PPP3CA: variants seen among roughly 807,000 people sequenced by gnomAD.
PPP3CA encodes CAM-PRP catalytic subunit.
PPP3CA carries 14 observed loss-of-function variants against 66.5 expected under a neutral mutation model. The ratio of observed to expected loss-of-function variants is 0.21; its 90% CI spans 0.14 to 0.33. The LOEUF (loss-of-function observed/expected upper bound fraction) is 0.33, where lower values mean the gene tolerates loss of function less well. Among genes scored for constraint, PPP3CA ranks in the 10% least tolerant of loss-of-function variants. PPP3CA has a pLI of 1.00. For missense variants in PPP3CA, 317 were observed against 639.5 expected (o/e 0.50, Z 5.44); for synonymous variants, 232 against 226.2 (o/e 1.03, Z -0.23).
At chr4:101,135,869 T>G (rs1268414296) in intron 2 of PPP3CA, among the ~76,000 whole-genome samples, 1 of 151,802 alleles carries the variant, frequency 6.6e-6, no homozygotes, top group Non-Finnish European at 1.5e-5. Flanking sequence ...TCATGGCAAC[T>G]TACTTTGGGT....
At chr4:101,121,320 T>C (rs947867745) in intron 2 of PPP3CA, among the ~76,000 whole-genome samples, 1 of 152,122 alleles carries the variant, frequency 6.6e-6, no homozygotes, top group African/African-American at 2.4e-5. Flanking sequence ...AATTTCTAGC[T>C]GCATTACCTT....
At chr4:101,129,395 G>A (rs1722355332) in intron 2 of PPP3CA, among the ~76,000 whole-genome samples, 1 of 152,194 alleles carries the variant, frequency 6.6e-6, no homozygotes, top group Admixed American at 6.5e-5. Context: ...CTTGAGTTCT[G>A]CTAAGGGACA....
intron 2 of PPP3CA, among the ~76,000 whole-genome samples, chr4:101,150,212 C>T (rs1299009617): frequency 6.6e-6 from 1 of 152,024 alleles, no homozygotes. Context: ...ATTAAAAATC[C>T]AAATGTCAAA....
intron 12 of PPP3CA, among the ~76,000 whole-genome samples, chr4:101,031,883 T>TATC (rs1726981218): frequency 6.6e-6 from 1 of 152,224 alleles, no homozygotes; most frequent in South Asian, 2.1e-4. Flanking sequence ...GTGTATGTGT[T>TATC]ATCTCATAAA....
At chr4:101,336,272 TTAAGAAC>T (rs1162605519) in intron 1 of PPP3CA, among the ~76,000 whole-genome samples, 1 of 146,304 alleles carries the variant, frequency 6.8e-6, no homozygotes, top group Non-Finnish European at 1.5e-5. Context: ...GCTAGAAGAC[TTAAGAAC>T]AAGAAAGCTG....
At chr4:101,047,725 T>C (rs1449393671) in intron 10 of PPP3CA, among the ~76,000 whole-genome samples, 2 of 152,052 alleles carry the variant, frequency 1.3e-5, no homozygotes, top group Non-Finnish European at 2.9e-5. Context: ...CCAGTGAGGT[T>C]ACAGGTATGC....
chr4:101,329,719 C>G (rs1049462533), intron 1 of PPP3CA, among the ~76,000 whole-genome samples: 3 of 152,068 alleles, frequency 2.0e-5, no homozygotes, highest in African/African-American at 4.8e-5. Flanking sequence ...TCCTAAAGCC[C>G]TTAAGAATTA....
chr4:101,231,152 C>G (rs559020931), intron 1 of PPP3CA, among the ~76,000 whole-genome samples: 1 of 151,794 alleles, frequency 6.6e-6, no homozygotes, highest in African/African-American at 2.4e-5. Flanking sequence ...CACAAATGAT[C>G]TTCTCCAGGT....
intron 13 of PPP3CA, among the ~76,000 whole-genome samples, chr4:101,028,807 A>C (rs1443576055): frequency 1.3e-5 from 2 of 152,170 alleles, no homozygotes; most frequent in East Asian, 3.8e-4. Flanking sequence ...GTGCTGCCTG[A>C]AAGTGATTTG....
At chr4:101,125,962 C>CT (rs1013363451) in intron 2 of PPP3CA, among the ~76,000 whole-genome samples, 10 of 152,054 alleles carry the variant, frequency 6.6e-5, no homozygotes, top group African/African-American at 2.4e-4. Flanking sequence ...TCATGGATAT[C>CT]TTTTTTCATA....
intron 10 of PPP3CA, among the ~76,000 whole-genome samples, chr4:101,048,449 T>G (rs1727862109): frequency 2.0e-5 from 3 of 148,670 alleles, no homozygotes; most frequent in Non-Finnish European, 3.0e-5. Context: ...TCCTGCACTG[T>G]TCTTCTACTT....
At chr4:101,180,374 T>C (rs1724196319) in intron 2 of PPP3CA, among the ~76,000 whole-genome samples, 1 of 152,056 alleles carries the variant, frequency 6.6e-6, no homozygotes, top group African/African-American at 2.4e-5. Context: ...ACTAGGGAGC[T>C]AGCAAAAATC....
chr4:101,199,151 C>T (rs575774337), intron 1 of PPP3CA, among the ~76,000 whole-genome samples: 11 of 152,312 alleles, frequency 7.2e-5, no homozygotes, highest in Admixed American at 6.5e-4. Context: ...ACCAGCCTTA[C>T]AAAGGTCACA....
chr4:101,317,868 C>T (rs1282501101), intron 1 of PPP3CA, among the ~76,000 whole-genome samples: 8 of 152,312 alleles, frequency 5.3e-5, no homozygotes, highest in East Asian at 1.9e-4. Flanking sequence ...GGGCAAGCTG[C>T]GCACTGTGAC....
chr4:101,240,735 T>A (rs980101791), intron 1 of PPP3CA: 4 of 151,992 alleles, frequency 2.6e-5, no homozygotes, highest in Admixed American at 6.6e-5. Flanking sequence ...TCTAAAAATT[T>A]AAAAAAATAA....
At chr4:101,306,240 G>T (rs1434191094) in intron 1 of PPP3CA, among the ~76,000 whole-genome samples, 2 of 152,066 alleles carry the variant, frequency 1.3e-5, no homozygotes, top group Admixed American at 6.6e-5. Flanking sequence ...AATTAGAGAG[G>T]GCACTTTTCT....
At chr4:101,106,418 A>AAGGAAGG (rs1730695675) in intron 3 of PPP3CA, among the ~76,000 whole-genome samples, 1 of 11,880 alleles carries the variant, frequency 8.4e-5, no homozygotes, top group Non-Finnish European at 1.8e-4. Flanking sequence ...AGAAAGAAAG[A>AAGGAAGG]AAGAAAGAAA....
chr4:101,099,091 G>A (rs895501413), intron 4 of PPP3CA, among the ~76,000 whole-genome samples: 4 of 152,016 alleles, frequency 2.6e-5, no homozygotes, highest in Non-Finnish European at 5.9e-5. Context: ...AAAAATGTAA[G>A]GTTTTATACC....
At chr4:101,102,334 C>CAG (rs745734119) in intron 3 of PPP3CA, among the ~76,000 whole-genome samples, 43 of 150,842 alleles carry the variant, frequency 2.9e-4, no homozygotes, top group Middle Eastern at 3.4e-3. Flanking sequence ...AAATAGAAGG[C>CAG]AGAGAGAGAG....
Sources: allele counts gnomAD v4.1 joint callset (sites outside exome capture counted in the v4.1 genomes callset), GRCh38; gene constraint gnomAD v4.1.1; transcripts MANE v1.5; gene names NCBI Gene and HGNC (gene_info 2026-07-23, HGNC 2026-07-21).